The following DAPK3 variants were observed in gnomAD, a reference collection of about 807,000 sequenced individuals.
DAPK3 encodes the protein death-associated protein kinase 3.
DAPK3 carries 24 observed loss-of-function variants against 30.6 expected under a neutral mutation model. The observed-to-expected ratio is 0.78, with a 90% CI of 0.57 to 1.10. The LOEUF (loss-of-function observed/expected upper bound fraction) is 1.10, where lower values mean the gene tolerates loss of function less well. Ranked by LOEUF, DAPK3 falls within the 50% of genes least tolerant of loss-of-function variation. The pLI is 0.00. For synonymous variants in DAPK3, 341 were observed against 284.0 expected, an observed-to-expected ratio of 1.20 and a Z score of -2.02; for missense variants, 629 against 657.3, an observed-to-expected ratio of 0.96 and a Z score of 0.47.
chr19:3,965,638 G>A (rs1312171017), intron 2 of DAPK3, among the ~76,000 whole-genome samples: 1 of 139,802 alleles, frequency 7.2e-6, no homozygotes, highest in African/African-American at 2.7e-5. Flanking sequence ...AAAGTGCAAG[G>A]CAAGTGCCAG....
At chr19:3,961,458 G>A (rs1364082949) in intron 6 of DAPK3, 2 of 564,456 alleles carry the variant, frequency 3.5e-6, no homozygotes, top group East Asian at 4.7e-5. Context: ...CCAGTGCTCA[G>A]TAACGCCGAG....
intron 2 of DAPK3, among the ~76,000 whole-genome samples, chr19:3,968,193 T>A (rs1192617376): frequency 6.6e-6 from 1 of 152,158 alleles, no homozygotes; most frequent in Non-Finnish European, 1.5e-5. Context: ...GGGAAGGCCA[T>A]TTAAGAGGCT....
intron 6 of DAPK3, among the ~76,000 whole-genome samples, chr19:3,963,429 A>G (rs1464799899): frequency 1.5e-5 from 2 of 134,812 alleles, no homozygotes; most frequent in Non-Finnish European, 3.4e-5. Context: ...GAGCCTGCTC[A>G]GCCGCTCTGT....
intron 3 of DAPK3, 75 bp downstream of exon 3, chr19:3,964,556 C>A: frequency 6.8e-7 from 1 of 1,469,014 alleles, no homozygotes; most frequent in African/African-American, 1.4e-5. Context: ...CAGGAGGTGC[C>A]TTCCAGGCTC....
intron 6 of DAPK3, chr19:3,961,869 A>AT: frequency 4.8e-6 from 1 of 208,390 alleles, no homozygotes; most frequent in East Asian, 1.1e-4. Context: ...AATTTTTTAA[A>AT]TTTTTTAGAG....
At chr19:3,964,407 G>C (rs372222455) in intron 3 of DAPK3, 34 bp from the exon 4 acceptor site, 1 of 1,594,178 alleles carries the variant, frequency 6.3e-7, no homozygotes, top group East Asian at 2.3e-5. Context: ...GGGAAAGCAC[G>C]GGCCTCCCCC....
intron 2 of DAPK3, among the ~76,000 whole-genome samples, chr19:3,967,222 G>C (rs766616209): frequency 6.6e-6 from 1 of 152,122 alleles, no homozygotes; most frequent in Admixed American, 6.6e-5. Flanking sequence ...AGGCAAAAGC[G>C]TGCAGATCAC....
chr19:3,968,476 GAA>G (rs775914474), intron 2 of DAPK3, among the ~76,000 whole-genome samples: 1 of 139,786 alleles, frequency 7.2e-6, no homozygotes. Context: ...TAGTGTCAAG[GAA>G]AAAAAAAAAA....
chr19:3,970,381 T>C (rs2039621126), intron 1 of DAPK3, among the ~76,000 whole-genome samples: 1 of 152,024 alleles, frequency 6.6e-6, no homozygotes, highest in Non-Finnish European at 1.5e-5. Context: ...GTCCCAGGCC[T>C]CCCAAAGTGC....
chr19:3,959,794 T>G, intron 8 of DAPK3, 157 bp from the exon 9 acceptor site: 1 of 893,130 alleles, frequency 1.1e-6, no homozygotes. Context: ...CCGAGAGTGC[T>G]CTCTCGAGAA....
chr19:3,959,983 T>A (rs1287295342), intron 8 of DAPK3, 76 bp downstream of exon 8: 2 of 860,956 alleles, frequency 2.3e-6, no homozygotes, highest in East Asian at 2.4e-5. Context: ...AAGCCTTAAA[T>A]GCTGAAGGCC....
At chr19:3,964,162 C>T (rs1015337055) in intron 4 of DAPK3, 82 bp downstream of exon 4, 17 of 1,263,922 alleles carry the variant, frequency 1.3e-5, no homozygotes, top group Middle Eastern at 2.0e-4. Context: ...CACCCAGCAC[C>T]GGGCATGACC....
At position 3,963,888 on chromosome 19, in the gene DAPK3, G is replaced by T; in HGVS notation, c.585C>A (p.Gly195=). 6.2e-7 allele frequency: 1 copy of T among 1,603,478 alleles called. No homozygotes were observed. The highest frequency in any genetic ancestry group is 8.5e-7 in the Non-Finnish European group (1 of 1,171,696). The change falls in exon 5 of 9, where the codon GGC becomes GGA. Residue 195 remains glycine (G), a synonymous_variant. Coordinates refer to ENST00000545797, the MANE Select transcript of DAPK3 (RefSeq NM_001348.3). ...ACACTCACCACATGTCCGCCTCCAGGCCCAGCGGCTCATAGTTCACAATCT... is the reference window on the plus strand; with the variant it reads ...ACACTCACCACATGTCCGCCTCCAGTCCCAGCGGCTCATAGTTCACAATCT... ...APEIVNYEPL[G]LEADMWSIGV...
At position 3,959,519 on chromosome 19, in the gene DAPK3, T is replaced by C. The variant is rs958583859; in HGVS notation, c.947A>G (p.Asn316Ser). ...TIKSHSSLPPNNSYADFERFS... is the reference protein window; with the variant it reads ...TIKSHSSLPPSNSYADFERFS... ...GCGCTCGAAGTCGGCGTAGCTGTTGTTGGGCGGCAAGCTGGAGTGCGACTT... is the reference window on the plus strand; with the variant it reads ...GCGCTCGAAGTCGGCGTAGCTGTTGCTGGGCGGCAAGCTGGAGTGCGACTT... The change falls in exon 9 of 9, where the codon AAC (asparagine) becomes AGC (serine). Residue 316 changes from asparagine (N) to serine (S), a missense_variant. Physicochemically the swap from Asn to Ser is conservative, Grantham distance 46. Around this residue, in one of 2 missense-constraint regions of DAPK3, gnomAD observed 323 missense variants for 278.8 expected, o/e 1.16. Transcript: ENST00000545797. The C allele has an allele frequency of 1.3e-6, 2 of 1,569,408 alleles. No individual in the cohort carries two copies. The highest frequency in any genetic ancestry group is 1.7e-6 in the Non-Finnish European group (2 of 1,165,726).
At position 3,959,008 on chromosome 19, in the gene DAPK3, C is replaced by T; in HGVS notation, c.*93G>A. 2 of 817,430 alleles carry T rather than the reference C, an allele frequency of 2.4e-6. No homozygotes were observed. The highest frequency in any genetic ancestry group is 3.7e-6 in the Non-Finnish European group (2 of 543,220). 50.6% of individuals were successfully genotyped at this position (817,430 alleles called of 1,614,324 possible). ...CCTGGTGGCGCTGGGCAAGGACAGG[C>T]ACCCGGGCGATGGGAGGCGCAGCGT... On this transcript the variant is annotated 3_prime_UTR_variant, in exon 9 of 9. Coordinates refer to ENST00000545797, the MANE Select transcript of DAPK3 (RefSeq NM_001348.3).
chr19:3,961,852 C>T (rs1247106757), intron 6 of DAPK3: 2 of 216,128 alleles, frequency 9.3e-6, no homozygotes, highest in African/African-American at 4.5e-5. Context: ...CCACCTCTGG[C>T]ACTTTAAATT....
At position 3,969,653 on chromosome 19, in the gene DAPK3, C is replaced by T. The variant is rs1225498609; in HGVS notation, c.62+21G>A. The T allele has an allele frequency of 1.9e-6, 3 of 1,547,064 alleles. No individual in the cohort carries two copies. In the South Asian group the frequency reaches 3.3e-5, roughly 17 times the overall value. On this transcript the variant is annotated intron_variant, in intron 2 of 8. Coordinates refer to ENST00000545797, the MANE Select transcript of DAPK3 (RefSeq NM_001348.3). ...CCTCTCTCCTATCCCTGGAGCCCAG[C>T]CGTGCGGGCAGACAGCTCACCTGCC...
chr19:3,967,610 C>G (rs2039591374), intron 2 of DAPK3, among the ~76,000 whole-genome samples: 1 of 152,140 alleles, frequency 6.6e-6, no homozygotes, highest in African/African-American at 2.4e-5. Context: ...CAAAAATTAG[C>G]TGAGCACGTT....
intron 2 of DAPK3, among the ~76,000 whole-genome samples, chr19:3,968,556 G>C (rs943057785): frequency 6.6e-6 from 1 of 152,146 alleles, no homozygotes; most frequent in African/African-American, 2.4e-5. Flanking sequence ...TGTATGTACA[G>C]TTTTCCAATG....
Sources: allele counts gnomAD v4.1 joint callset (sites outside exome capture counted in the v4.1 genomes callset), GRCh38; gene constraint gnomAD v4.1.1; regional missense constraint gnomAD v4.1.1; transcripts MANE v1.5; gene names NCBI Gene and HGNC (gene_info 2026-07-23, HGNC 2026-07-21).